Variants in NDST3 observed in about 807,000 individuals in gnomAD.
NDST3 encodes the protein N-deacetylase and N-sulfotransferase 3, also known as bifunctional heparan sulfate N-deacetylase/N-sulfotransferase 3.
In NDST3, 58 loss-of-function variants were observed where a neutral mutation model predicts 96.1. The observed-to-expected ratio is 0.60, with a 90% confidence interval of 0.49 to 0.75. NDST3 has a LOEUF of 0.75. NDST3 is among the 30% of genes least tolerant of loss of function. The pLI is 0.00. For missense variants in NDST3, 788 were observed against 1,034.2 expected (o/e 0.76, Z 3.27); for synonymous variants, 333 against 359.7 (o/e 0.93, Z 0.84).
At chr4:118,219,075 G>T (rs1739376029) in intron 6 of NDST3, among the ~76,000 whole-genome samples, 1 of 152,088 alleles carries the variant, frequency 6.6e-6, no homozygotes, top group Non-Finnish European at 1.5e-5. Flanking sequence ...CATCCTCATG[G>T]ATAGGAAGAA....
In NDST3 at chr4:118,160,903, T is replaced by C. The variant is rs1301946957; in HGVS notation, c.1539+17219T>C. On this transcript the variant is annotated intron_variant, in intron 6 of 13. Transcript: ENST00000296499. ...TCATTCTCCGTCCAGCTTTGTTCCA[T>C]TGCTGGTGAGGAACTGCATTCCTTT... Among the ~76,000 whole-genome samples, 5 of 152,144 alleles carry C rather than the reference T, an allele frequency of 3.3e-5. No individual in the cohort carries two copies. The East Asian group carries it at 5.8e-4, about 18-fold the overall frequency.
At chr4:118,176,844 T>C (rs2125944584) in intron 6 of NDST3, among the ~76,000 whole-genome samples, 1 of 152,184 alleles carries the variant, frequency 6.6e-6, no homozygotes, top group South Asian at 2.1e-4. Context: ...GAATTTGAGA[T>C]TGAATTATGC....
At chr4:118,049,453 AT>A (rs984946485) in intron 1 of NDST3, among the ~76,000 whole-genome samples, 36 of 152,034 alleles carry the variant, frequency 2.4e-4, no homozygotes, top group African/African-American at 8.4e-4. Flanking sequence ...TTAGAAAAAA[AT>A]AAACACGACC....
At chr4:118,244,174 T>C (rs1014418047) in intron 12 of NDST3, among the ~76,000 whole-genome samples, 1 of 151,576 alleles carries the variant, frequency 6.6e-6, no homozygotes, top group African/African-American at 2.4e-5. Context: ...AACCTGGCAG[T>C]GCACTAGTTG....
chr4:118,239,740 A>T (rs990818347), intron 10 of NDST3, among the ~76,000 whole-genome samples: 4 of 152,214 alleles, frequency 2.6e-5, no homozygotes, highest in Admixed American at 6.5e-5. Context: ...TAGAGTTTGT[A>T]GTCCAGTGAT....
chr4:118,254,225 G>A (rs1267509501), intron 13 of NDST3, among the ~76,000 whole-genome samples: 3 of 141,296 alleles, frequency 2.1e-5, no homozygotes, highest in Non-Finnish European at 4.5e-5. Context: ...AGCCTGGGCA[G>A]CAAGAGTGAA....
intron 2 of NDST3, among the ~76,000 whole-genome samples, chr4:118,068,603 T>TGTCTTGGTAGATCAGGGGGAA (rs1726793837): frequency 1.3e-5 from 2 of 152,062 alleles, no homozygotes; most frequent in Non-Finnish European, 2.9e-5. Flanking sequence ...CAAAGATTTT[T>TGTCTTGGTAGATCAGGGGGAA]GTCTTGGTAG....
intron 10 of NDST3, among the ~76,000 whole-genome samples, chr4:118,238,154 GAAAAGAAAGAAAGAAAGAAAGAAAGAAA>G (rs1215647011): frequency 1.4e-5 from 1 of 72,188 alleles, no homozygotes. Flanking sequence ...AGAAAAGAAA[GAAAAGAAAGAAAGAAAGAAAGAAAGAAA>G]GAAAGAAAGA....
intron 6 of NDST3, chr4:118,193,629 TG>T: frequency 7.8e-7 from 1 of 1,278,252 alleles, no homozygotes. Flanking sequence ...GCTTCGTTGT[TG>T]GGGTAGAGCT....
chr4:118,048,375 C>T (rs1578533259), intron 1 of NDST3, among the ~76,000 whole-genome samples: 1 of 152,012 alleles, frequency 6.6e-6, no homozygotes, highest in Non-Finnish European at 1.5e-5. Flanking sequence ...TCTCACAGAT[C>T]CATACTAATC....
intron 6 of NDST3, among the ~76,000 whole-genome samples, chr4:118,157,172 C>A (rs6857232): frequency 1.7e-4 from 26 of 152,136 alleles, no homozygotes; most frequent in African/African-American, 6.3e-4. Context: ...TTCCACAATA[C>A]ATTAAGGGAG....
intron 6 of NDST3, among the ~76,000 whole-genome samples, chr4:118,210,773 T>TC (rs1738734773): frequency 1.5e-5 from 1 of 67,652 alleles, no homozygotes; most frequent in Admixed American, 2.2e-4. Context: ...AGACTCCATC[T>TC]CAAAAAAAAA....
At chr4:118,083,573 T>A (rs902542056) in intron 2 of NDST3, among the ~76,000 whole-genome samples, 1 of 152,134 alleles carries the variant, frequency 6.6e-6, no homozygotes, top group Admixed American at 6.6e-5. Context: ...CACTTCCAAA[T>A]GTACCTTGGG....
intron 4 of NDST3, among the ~76,000 whole-genome samples, chr4:118,124,617 C>T (rs1447309110): frequency 1.3e-5 from 2 of 152,002 alleles, no homozygotes; most frequent in African/African-American, 4.8e-5. Flanking sequence ...GTATCCTACT[C>T]TCTATCCCTA....
At chr4:118,060,381 T>C (rs1725800830) in intron 2 of NDST3, among the ~76,000 whole-genome samples, 1 of 152,142 alleles carries the variant, frequency 6.6e-6, no homozygotes, top group South Asian at 2.1e-4. Flanking sequence ...CAGCTTTCTT[T>C]TGATTACTAT....
intron 6 of NDST3, among the ~76,000 whole-genome samples, chr4:118,216,841 T>A (rs1289711366): frequency 6.6e-6 from 1 of 151,948 alleles, no homozygotes; most frequent in Non-Finnish European, 1.5e-5. Context: ...ATTGAAAAAA[T>A]AACTGACCCT....
intron 6 of NDST3, among the ~76,000 whole-genome samples, chr4:118,159,085 G>A (rs1212228322): frequency 1.3e-5 from 2 of 152,226 alleles, no homozygotes; most frequent in Non-Finnish European, 2.9e-5. Flanking sequence ...CCCATAGGAG[G>A]AAAAGATTTG....
intron 6 of NDST3, among the ~76,000 whole-genome samples, chr4:118,222,076 T>A (rs1739585873): frequency 6.6e-6 from 1 of 151,894 alleles, no homozygotes. Flanking sequence ...AAGACTAATA[T>A]CTGCTTCTCC....
At chr4:118,046,930 C>T (rs1035874560) in intron 1 of NDST3, among the ~76,000 whole-genome samples, 2 of 152,034 alleles carry the variant, frequency 1.3e-5, no homozygotes, top group Non-Finnish European at 2.9e-5. Flanking sequence ...AGACACCTAA[C>T]AAAAGAAATG....
Sources: gnomAD v4.1 joint callset for allele counts (sites outside exome capture counted in the v4.1 genomes callset) on GRCh38, gnomAD v4.1.1 for gene constraint, MANE v1.5 for transcripts, NCBI Gene and HGNC (gene_info 2026-07-23, HGNC 2026-07-21) for gene names.